The following ADCY8 variants were observed in gnomAD, a reference collection of about 807,000 sequenced individuals.
ADCY8 encodes adenylate cyclase type 8.
A neutral mutation model predicts 119.7 loss-of-function variants in ADCY8; 51 were observed. The observed-to-expected ratio is 0.43, with a 90% CI of 0.34 to 0.54. The LOEUF is 0.54. ADCY8 is among the 20% of genes least tolerant of loss of function. The pLI is 0.03. For missense variants in ADCY8, 1,383 were observed against 1,598.8 expected, an observed-to-expected ratio of 0.87 and a Z score of 2.30; for synonymous variants, 665 against 651.0, an observed-to-expected ratio of 1.02 and a Z score of -0.33.
chr8:130,944,273 C>T (rs1821044481), intron 3 of ADCY8, among the ~76,000 whole-genome samples: 1 of 152,184 alleles, frequency 6.6e-6, no homozygotes. Flanking sequence ...TTGAATTGCA[C>T]TGAGGGATAT....
chr8:130,806,024 T>G (rs1269435568), intron 14 of ADCY8, among the ~76,000 whole-genome samples: 1 of 152,134 alleles, frequency 6.6e-6, no homozygotes, highest in Non-Finnish European at 1.5e-5. Context: ...AGAGACTCCC[T>G]CCCCGGCATT....
rs1214746014 is a variant in ADCY8 at position 131,040,114 on chromosome 8, C to T, written c.220G>A (p.Gly74Ser). 6.6e-7 allele frequency: 1 copy of T among 1,526,512 alleles called. No individual in the cohort carries two copies. The highest frequency in any genetic ancestry group is 8.7e-7 in the Non-Finnish European group (1 of 1,143,346). The allele number at this position is 1,526,512 out of a possible 1,614,324, so 94.6% of individuals were successfully genotyped here. ...GSGKASDPAG[G>S]GPNHHAPQLS... ...TGCGGCGCGTGGTGGTTGGGGCCGCCGCCCGCAGGGTCCGAGGCTTTGCCC... is the reference window on the plus strand; with the variant it reads ...TGCGGCGCGTGGTGGTTGGGGCCGCTGCCCGCAGGGTCCGAGGCTTTGCCC... The change falls in exon 1 of 18, where the codon GGC becomes AGC. Residue 74 changes from glycine to serine, a missense_variant. Transcript: ENST00000286355.
intron 3 of ADCY8, among the ~76,000 whole-genome samples, chr8:130,946,514 C>G (rs995277873): frequency 1.3e-5 from 2 of 152,156 alleles, no homozygotes; most frequent in Admixed American, 1.3e-4. Context: ...GTCTATACCC[C>G]TCTGGAGACT....
chr8:130,993,992 C>T (rs1822685412), intron 1 of ADCY8, among the ~76,000 whole-genome samples: 1 of 152,210 alleles, frequency 6.6e-6, no homozygotes, highest in African/African-American at 2.4e-5. Flanking sequence ...GCTTCAGGAT[C>T]TTGATCCTAC....
At chr8:130,865,325 T>C (rs901674771) in intron 9 of ADCY8, among the ~76,000 whole-genome samples, 1 of 152,036 alleles carries the variant, frequency 6.6e-6, no homozygotes, top group African/African-American at 2.4e-5. Flanking sequence ...GCTGTCTTCA[T>C]TTCTGAAATA....
At chr8:130,905,725 T>G (rs889423757) in intron 6 of ADCY8, among the ~76,000 whole-genome samples, 1 of 152,114 alleles carries the variant, frequency 6.6e-6, no homozygotes, top group African/African-American at 2.4e-5. Flanking sequence ...CTGGGCGTGG[T>G]GGTGCATGCC....
Position 130,809,364 on chromosome 8 carries a change from C to G in ADCY8, c.2913+4705G>C, listed in dbSNP as rs576792148. Among the ~76,000 whole-genome samples, 15 of 152,342 alleles carry G rather than the reference C, an allele frequency of 9.8e-5. 1 individual carries two copies. The South Asian group carries it at 2.7e-3, about 27-fold the overall frequency. On this transcript the variant is annotated intron_variant, in intron 14 of 17. Coordinates refer to ENST00000286355, the MANE Select transcript of ADCY8 (RefSeq NM_001115.3). ...GGATAATAGTTCCTACCTCCTATTA[C>G]ACATTGAATCAGATCCAAGCTACTT... is the stretch of plus-strand genomic sequence containing the variant.
chr8:130,967,510 G>A (rs982285265), intron 2 of ADCY8, among the ~76,000 whole-genome samples: 8 of 152,164 alleles, frequency 5.3e-5, no homozygotes, highest in Non-Finnish European at 1.2e-4. Flanking sequence ...AAATGACAAA[G>A]CTCCTTATGA....
intron 7 of ADCY8, among the ~76,000 whole-genome samples, chr8:130,889,659 G>C (rs1264857776): frequency 1.3e-5 from 2 of 152,114 alleles, no homozygotes; most frequent in Non-Finnish European, 2.9e-5. Flanking sequence ...CACATGAAAT[G>C]TATTTCCCCA....
intron 5 of ADCY8, among the ~76,000 whole-genome samples, chr8:130,923,713 A>G (rs944432026): frequency 6.6e-6 from 1 of 152,220 alleles, no homozygotes; most frequent in African/African-American, 2.4e-5. Context: ...CAATCTATGT[A>G]ATAGAATCTA....
chr8:130,922,106 G>A (rs528841192), intron 5 of ADCY8, among the ~76,000 whole-genome samples: 10 of 151,974 alleles, frequency 6.6e-5, no homozygotes, highest in African/African-American at 1.2e-4. Context: ...GCCTCCTTGC[G>A]CTTTCACAGC....
chr8:130,783,240 G>A (rs1011684181), intron 17 of ADCY8, among the ~76,000 whole-genome samples: 3 of 152,180 alleles, frequency 2.0e-5, no homozygotes, highest in Non-Finnish European at 2.9e-5. Context: ...CCTGTCCCTG[G>A]AAGTATAGTA....
At position 130,849,601 on chromosome 8, in the gene ADCY8, C is replaced by T. The variant is rs767947724; in HGVS notation, c.2412+1G>A. The T allele has an allele frequency of 1.9e-6, 3 of 1,613,732 alleles. No individual in the cohort carries two copies. The highest frequency in any genetic ancestry group is 1.7e-5 in the Admixed American group (1 of 60,004). On this transcript the variant is annotated splice_donor_variant, in intron 10 of 17. Coordinates refer to ENST00000286355, the MANE Select transcript of ADCY8 (RefSeq NM_001115.3). LOFTEE classifies it high-confidence loss of function. ...AGGGTTGGTGGATGTGGGATGCTTACGATATTTAAGATGGCACCCAGGAAA... is the reference window on the plus strand; with the variant it reads ...AGGGTTGGTGGATGTGGGATGCTTATGATATTTAAGATGGCACCCAGGAAA...
At chr8:130,899,474 C>A (rs931384795) in intron 7 of ADCY8, among the ~76,000 whole-genome samples, 1 of 152,094 alleles carries the variant, frequency 6.6e-6, no homozygotes, top group Non-Finnish European at 1.5e-5. Context: ...AGGGTGCTGG[C>A]ACGCGCCGGT....
intron 2 of ADCY8, among the ~76,000 whole-genome samples, chr8:130,983,153 C>A (rs1042294882): frequency 6.6e-6 from 1 of 152,192 alleles, no homozygotes; most frequent in East Asian, 1.9e-4. Context: ...AGGTACTCAA[C>A]AATGGATGGT....
At chr8:130,952,678 G>A (rs1821310044) in intron 2 of ADCY8, among the ~76,000 whole-genome samples, 1 of 152,162 alleles carries the variant, frequency 6.6e-6, no homozygotes, top group African/African-American at 2.4e-5. Context: ...GATCACTTTG[G>A]CTGGGATTTG....
intron 1 of ADCY8, among the ~76,000 whole-genome samples, chr8:130,998,192 A>C (rs977387874): frequency 6.6e-6 from 1 of 152,148 alleles, no homozygotes; most frequent in African/African-American, 2.4e-5. Context: ...TGAGAGTGTG[A>C]TAAATGCCAT....
At chr8:130,784,841 T>G (rs939371142) in intron 16 of ADCY8, among the ~76,000 whole-genome samples, 2 of 125,114 alleles carry the variant, frequency 1.6e-5, no homozygotes, top group African/African-American at 6.4e-5. Flanking sequence ...TCCCCAAGTA[T>G]CTTGGACTCA....
intron 4 of ADCY8, among the ~76,000 whole-genome samples, chr8:130,939,488 T>C (rs1479886934): frequency 1.3e-5 from 2 of 152,236 alleles, no homozygotes; most frequent in South Asian, 2.1e-4. Flanking sequence ...GAGAGACTTA[T>C]GCGAAAGAAA....
Sources: allele counts gnomAD v4.1 joint callset (sites outside exome capture counted in the v4.1 genomes callset), GRCh38; gene constraint gnomAD v4.1.1; transcripts MANE v1.5; gene names NCBI Gene and HGNC (gene_info 2026-07-23, HGNC 2026-07-21).